KIAA1328: variants seen among roughly 807,000 people sequenced by gnomAD.
The protein encoded by KIAA1328 is KIAA1328, also known as protein hinderin.
In KIAA1328, 52 loss-of-function variants were observed where a neutral mutation model predicts 68.1. The observed-to-expected ratio is 0.76, with a 90% CI of 0.61 to 0.96. The LOEUF (loss-of-function observed/expected upper bound fraction) is 0.96. Among genes scored for constraint, KIAA1328 ranks in the 40% least tolerant of loss-of-function variants. The pLI, the probability that KIAA1328 is intolerant of heterozygous loss-of-function variation, is 0.00. For synonymous variants in KIAA1328, 232 were observed against 239.4 expected (o/e 0.97, Z 0.28); for missense variants, 641 against 677.6 (o/e 0.95, Z 0.60).
At chr18:37,225,400 G>A, downstream of KIAA1328, 1 of 735,456 alleles carries the variant, frequency 1.4e-6, no homozygotes, top group Non-Finnish European at 1.7e-6. Flanking sequence ...TAGCTTGAAA[G>A]CAAGTGCAGA....
chr18:37,117,942 C>G (rs1038854496), intron 7 of KIAA1328, among the ~76,000 whole-genome samples: 1 of 150,040 alleles, frequency 6.7e-6, no homozygotes, highest in African/African-American at 2.4e-5. Flanking sequence ...TTACTTATAG[C>G]TCTTATAGTC....
chr18:37,224,710 CA>C lies in KIAA1328; in HGVS notation c.*2485del. On this transcript the variant is annotated 3_prime_UTR_variant, in exon 10 of 10. Transcript: ENST00000280020. ...AAAGGAATCTGCCTTTCCTCCGTCT[CA>C]AGTCTCCCACCCTTGACTGGTTGGG... is the stretch of plus-strand genomic sequence containing the variant. 2.0e-6 allele frequency: 2 copies of C among 985,418 alleles called. No homozygotes were observed. The highest frequency in any genetic ancestry group is 3.5e-5 in the African/African-American group (2 of 57,346). 61.0% of individuals were successfully genotyped at this position (985,418 alleles called of 1,614,324 possible).
intron 7 of KIAA1328, among the ~76,000 whole-genome samples, chr18:37,154,551 A>G (rs548963387): frequency 6.6e-6 from 1 of 152,260 alleles, no homozygotes; most frequent in Admixed American, 6.5e-5. Flanking sequence ...TTTCTCCCCC[A>G]TAACTCCTAC....
intron 7 of KIAA1328, among the ~76,000 whole-genome samples, chr18:37,074,438 C>T (rs576375210): frequency 1.8e-4 from 28 of 152,294 alleles, no homozygotes; most frequent in East Asian, 9.7e-4. Context: ...ACCAATCAGA[C>T]GTAGATTTGG....
intron 7 of KIAA1328, among the ~76,000 whole-genome samples, chr18:37,128,658 C>T: frequency 6.6e-6 from 1 of 152,060 alleles, no homozygotes; most frequent in East Asian, 1.9e-4. Flanking sequence ...AGGTATTTCC[C>T]CAAGACAAAT....
chr18:37,199,050 TA>T (rs1420374738), intron 9 of KIAA1328, among the ~76,000 whole-genome samples: 2 of 152,230 alleles, frequency 1.3e-5, no homozygotes, highest in African/African-American at 4.8e-5. Flanking sequence ...GTCTTTGCCA[TA>T]TTTGGGGAGA....
intron 1 of KIAA1328, 161 bp downstream of exon 1, chr18:36,829,357 G>C (rs879776977): frequency 6.5e-6 from 9 of 1,381,752 alleles, no homozygotes; most frequent in Non-Finnish European, 7.4e-6. Context: ...CTCTCCCCTT[G>C]CTTGGGTGTT....
intron 6 of KIAA1328, among the ~76,000 whole-genome samples, chr18:36,989,916 A>G (rs1041077839): frequency 4.6e-5 from 7 of 152,074 alleles, no homozygotes; most frequent in African/African-American, 1.7e-4. Context: ...GATGGTCTCG[A>G]TCTCCTGACC....
rs562691819 is a variant in KIAA1328, at chr18:36,957,303, G to C, written c.449-2005G>C. On this transcript the variant is annotated intron_variant, in intron 5 of 9. Transcript: ENST00000280020. ...TATGTATACAGAATAAATCCCATTGGATAGTAATTTTTATACCAACAGCAT... is the reference window on the plus strand; with the variant it reads ...TATGTATACAGAATAAATCCCATTGCATAGTAATTTTTATACCAACAGCAT... Among the ~76,000 whole-genome samples the C allele has an allele frequency of 7.9e-5, 12 of 152,238 alleles. No homozygotes were observed. The East Asian group carries it at 2.3e-3, about 29-fold the overall frequency.
chr18:37,021,104 T>C (rs2054329905), intron 6 of KIAA1328, among the ~76,000 whole-genome samples: 1 of 152,214 alleles, frequency 6.6e-6, no homozygotes, highest in Non-Finnish European at 1.5e-5. Flanking sequence ...ATTTTAACTA[T>C]ACTAGAGCTG....
chr18:37,131,809 G>A (rs767515399), intron 7 of KIAA1328, among the ~76,000 whole-genome samples: 3 of 152,048 alleles, frequency 2.0e-5, no homozygotes, highest in Non-Finnish European at 4.4e-5. Context: ...GTCACACTCG[G>A]GGGTAACTAG....
At chr18:36,951,286 A>T (rs1464525632) in intron 5 of KIAA1328, among the ~76,000 whole-genome samples, 1 of 152,070 alleles carries the variant, frequency 6.6e-6, no homozygotes, top group East Asian at 1.9e-4. Context: ...CCTAAAGGAG[A>T]TAGTGTTAGT....
At chr18:36,973,420 A>C (rs886711595) in intron 6 of KIAA1328, among the ~76,000 whole-genome samples, 4 of 152,126 alleles carry the variant, frequency 2.6e-5, no homozygotes, top group African/African-American at 9.7e-5. Flanking sequence ...ACATGTATAC[A>C]TATGTAACAA....
chr18:36,892,500 G>GT (rs1388411020), intron 5 of KIAA1328, among the ~76,000 whole-genome samples: 5 of 151,404 alleles, frequency 3.3e-5, no homozygotes, highest in East Asian at 1.9e-4. Flanking sequence ...TTGGGTTTTT[G>GT]TTTTTTTTGT....
At chr18:37,232,038 A>G (rs1378576592), downstream of KIAA1328, 3 of 152,166 alleles carry the variant, frequency 2.0e-5, no homozygotes, top group East Asian at 5.8e-4. Context: ...AACTGTGTAA[A>G]TTTGCTATGT....
rs1015962814 is a variant in KIAA1328 at position 37,178,648 on chromosome 18, G to A, written c.1523+5567G>A. On this transcript the variant is annotated intron_variant, in intron 9 of 9. Transcript: ENST00000280020. ...GGTAGTTCTTTTTGTAATTTTTTGA[G>A]GAGCATCCATACTATTTTTCATAAT... Among the ~76,000 whole-genome samples, 26 of 152,158 alleles carry A rather than the reference G, an allele frequency of 1.7e-4. 1 individual carries two copies. Among genetic ancestry groups the A allele is most frequent in the Admixed American group, 1.5e-3 (23 of 15,278 alleles).
At chr18:37,164,139 A>G (rs2154212177) in intron 8 of KIAA1328, among the ~76,000 whole-genome samples, 1 of 152,330 alleles carries the variant, frequency 6.6e-6, no homozygotes. Flanking sequence ...TATGTTTTGT[A>G]TCTTCTCCGT....
chr18:37,055,932 G>A (rs1176799532), intron 6 of KIAA1328, among the ~76,000 whole-genome samples: 1 of 152,134 alleles, frequency 6.6e-6, no homozygotes, highest in African/African-American at 2.4e-5. Flanking sequence ...TAATCCTGTG[G>A]TGAACAACTC....
At chr18:37,216,650 T>G (rs1243938970) in intron 9 of KIAA1328, among the ~76,000 whole-genome samples, 2 of 152,186 alleles carry the variant, frequency 1.3e-5, no homozygotes, top group Non-Finnish European at 2.9e-5. Context: ...TTAGGTCCGC[T>G]TGGTGCATAG....
Sources: allele counts gnomAD v4.1 joint callset (sites outside exome capture counted in the v4.1 genomes callset), GRCh38; gene constraint gnomAD v4.1.1; transcripts MANE v1.5; gene names NCBI Gene and HGNC (gene_info 2026-07-23, HGNC 2026-07-21).